The following MTA1 variants were observed in gnomAD, a reference collection of about 807,000 sequenced individuals.
The protein encoded by MTA1 is metastasis-associated protein MTA1.
A neutral mutation model predicts 97.0 loss-of-function variants in MTA1; 15 were observed. The observed-to-expected ratio is 0.15, with a 90% CI of 0.10 to 0.24. MTA1 has a LOEUF of 0.24. Among genes scored for constraint, MTA1 ranks in the 10% least tolerant of loss-of-function variants. The probability of loss-of-function intolerance (pLI) is 1.00; values close to 1 mark genes in which losing one functional copy is unlikely to be tolerated. For synonymous variants in MTA1, 435 were observed against 417.5 expected (o/e 1.04, Z -0.51); for missense variants, 709 against 1,015.1 (o/e 0.70, Z 4.10).
In MTA1 at chr14:105,429,380, G is replaced by T. The variant is rs948507986; in HGVS notation, c.29-9292G>T. Reference sequence around the variant, plus strand: ...GGCTCGCTGCAACCTCCGCCTCCCGGGTTCAAGCGATTCTCCTGCCTCAGC... The same window carrying T: ...GGCTCGCTGCAACCTCCGCCTCCCGTGTTCAAGCGATTCTCCTGCCTCAGC... On this transcript the variant is annotated intron_variant, in intron 1 of 20. Transcript: ENST00000331320. 9.9e-5 allele frequency among the ~76,000 whole-genome samples: 15 copies of T among 152,046 alleles called. 1 individual carries two copies. The highest frequency in any genetic ancestry group is 4.1e-4 in the South Asian group (2 of 4,820).
At chr14:105,466,226 G>A (rs1567046669) in intron 16 of MTA1, 200 bp from the exon 17 acceptor site, 3 of 599,930 alleles carry the variant, frequency 5.0e-6, no homozygotes, top group South Asian at 2.0e-5. Context: ...CCGGGCACAC[G>A]CCTTGCCGAG....
Position 105,442,576 on chromosome 14 carries a change from G to A in MTA1, c.97-2842G>A, listed in dbSNP as rs188506841. Among the ~76,000 whole-genome samples, 289 of 152,378 alleles carry A rather than the reference G, an allele frequency of 1.9e-3. 13 individuals carry two copies. The highest frequency in any genetic ancestry group is 8.8e-4 in the Non-Finnish European group (60 of 68,040). On this transcript the variant is annotated intron_variant, in intron 2 of 20. Coordinates refer to ENST00000331320, the MANE Select transcript of MTA1 (RefSeq NM_004689.4). ...TTAATCTCAGGAAGCAAAGGTGTTCGAAGGAAGAGAAGAAAGAATGGCCTA... is the reference window on the plus strand; with the variant it reads ...TTAATCTCAGGAAGCAAAGGTGTTCAAAGGAAGAGAAGAAAGAATGGCCTA...
chr14:105,469,196 AGGTGACTGTC>A, intron 18 of MTA1: 1 of 618,062 alleles, frequency 1.6e-6, no homozygotes, highest in Non-Finnish European at 3.0e-6. Context: ...CTGTGCAGGG[AGGTGACTGTC>A]GGGTCCAAGG....
At position 105,470,350 on chromosome 14, in the gene MTA1, G is replaced by T; in HGVS notation, c.*135G>T. 1.4e-6 allele frequency: 1 copy of T among 694,322 alleles called. No individual in the cohort carries two copies. Among genetic ancestry groups the T allele is most frequent in the Non-Finnish European group, 2.1e-6 (1 of 465,558 alleles). The allele number at this position is 694,322 out of a possible 1,614,324, so 43.0% of individuals were successfully genotyped here. Reference sequence around the variant, plus strand: ...CACCTGCAGAGAAACGCGCTCCTTGGCGGACACTGGGGGAGGAGAGGAAGA... The same window carrying T: ...CACCTGCAGAGAAACGCGCTCCTTGTCGGACACTGGGGGAGGAGAGGAAGA... On this transcript the variant is annotated 3_prime_UTR_variant, in exon 21 of 21. Coordinates refer to ENST00000331320, the MANE Select transcript of MTA1 (RefSeq NM_004689.4).
At chr14:105,438,901 T>A (rs1445446676) in intron 2 of MTA1, among the ~76,000 whole-genome samples, 162 bp downstream of exon 2, 1 of 152,188 alleles carries the variant, frequency 6.6e-6, no homozygotes, top group Non-Finnish European at 1.5e-5. Context: ...ACCTGCACCG[T>A]GGCTCCTCCT....
intron 1 of MTA1, among the ~76,000 whole-genome samples, chr14:105,423,497 G>A (rs1312136639): frequency 2.0e-5 from 3 of 152,162 alleles, no homozygotes; most frequent in African/African-American, 7.2e-5. Context: ...GATTACAGGC[G>A]TGAGCTCATG....
At chr14:105,427,957 G>T (rs2082060009) in intron 1 of MTA1, among the ~76,000 whole-genome samples, 1 of 145,232 alleles carries the variant, frequency 6.9e-6, no homozygotes, top group Admixed American at 7.2e-5. Context: ...CGCAGAGGTT[G>T]CAGTGAGTGG....
rs1314936303 is a variant in MTA1, at chr14:105,420,623, G to A, written c.28+560G>A. On this transcript the variant is annotated intron_variant, in intron 1 of 20. Transcript: ENST00000331320. The surrounding 1 kb of genome is among the most constrained non-coding windows in gnomAD (Gnocchi z 5.3). The stretch of plus-strand genomic sequence containing the variant: ...GTCTTCAGCAGGGAGCGAGCATCCC[G>A]AGCACGCCTCTAAGTCCCCCCAAAC... 6.6e-6 allele frequency among the ~76,000 whole-genome samples: 1 copy of A among 152,166 alleles called. No individual in the cohort carries two copies. The highest frequency in any genetic ancestry group is 1.5e-5 in the Non-Finnish European group (1 of 68,004).
chr14:105,461,481 AAATT>A (rs1189832988), intron 10 of MTA1, among the ~76,000 whole-genome samples: 4 of 152,054 alleles, frequency 2.6e-5, no homozygotes, highest in Non-Finnish European at 4.4e-5. Context: ...AAATACTTCT[AAATT>A]AATCTGTTAG....
intron 16 of MTA1, 119 bp from the exon 17 acceptor site, chr14:105,466,307 G>A: frequency 4.5e-6 from 4 of 896,598 alleles, no homozygotes; most frequent in Non-Finnish European, 6.9e-6. Context: ...CTCGGGTGGG[G>A]GCCGCATGGG....
At chr14:105,443,987 C>T (rs2082628916) in intron 2 of MTA1, among the ~76,000 whole-genome samples, 1 of 152,048 alleles carries the variant, frequency 6.6e-6, no homozygotes, top group Non-Finnish European at 1.5e-5. Context: ...ACTCAGGAGG[C>T]TGAGGCAGGA....
intron 2 of MTA1, 78 bp downstream of exon 2, chr14:105,438,817 T>G: frequency 6.7e-7 from 1 of 1,484,610 alleles, no homozygotes; most frequent in Non-Finnish European, 9.3e-7. Context: ...GGGTGGCCAG[T>G]GTGGGTGGCC....
chr14:105,460,551 C>G (rs1414403642), intron 9 of MTA1, 94 bp downstream of exon 9: 17 of 1,334,792 alleles, frequency 1.3e-5, no homozygotes, highest in Non-Finnish European at 1.7e-5. Flanking sequence ...AGCACCTGCC[C>G]CAGGTATTCA....
intron 7 of MTA1, among the ~76,000 whole-genome samples, chr14:105,457,079 C>G (rs1555430081): frequency 1.3e-5 from 2 of 152,218 alleles, no homozygotes; most frequent in South Asian, 2.1e-4. Flanking sequence ...GAGGGCAGCC[C>G]CGCACTCCGT....
Position 105,458,627 on chromosome 14 carries a change from G to A in MTA1, c.653+255G>A, listed in dbSNP as rs951115596. Among the ~76,000 whole-genome samples, 11 of 152,108 alleles carry A rather than the reference G, an allele frequency of 7.2e-5. 1 individual carries two copies. The highest frequency in any genetic ancestry group is 2.7e-4 in the African/African-American group (11 of 41,424). On this transcript the variant is annotated intron_variant, in intron 8 of 20. Coordinates refer to ENST00000331320, the MANE Select transcript of MTA1 (RefSeq NM_004689.4). The stretch of plus-strand genomic sequence containing the variant: ...GTGCCTGCCCATGTGTCCCTAATGG[G>A]GCTTTCCCAGGATGGGCCAGAGGTG...
chr14:105,438,860 C>T (rs1478209105), intron 2 of MTA1, 121 bp downstream of exon 2: 2 of 947,216 alleles, frequency 2.1e-6, no homozygotes, highest in Non-Finnish European at 3.3e-6. Context: ...CTGGCCACTG[C>T]ACAGGCCCTT....
At chr14:105,448,265 C>T (rs587594141) in intron 3 of MTA1, among the ~76,000 whole-genome samples, 3 of 152,196 alleles carry the variant, frequency 2.0e-5, no homozygotes, top group Non-Finnish European at 2.9e-5. Flanking sequence ...GTACACTAGC[C>T]AGCCCCACCT....
intron 1 of MTA1, among the ~76,000 whole-genome samples, chr14:105,428,999 C>T (rs587738867): frequency 3.9e-5 from 6 of 152,332 alleles, no homozygotes; most frequent in African/African-American, 1.4e-4. Context: ...GCTGGGATTA[C>T]AGGCATGAGC....
At chr14:105,465,211 C>CCCGCT in intron 16 of MTA1, 28 bp downstream of exon 16, 1 of 1,483,384 alleles carries the variant, frequency 6.7e-7, no homozygotes, top group Non-Finnish European at 9.0e-7. Flanking sequence ...CTGGGGGGCT[C>CCCGCT]CCAATGCTGC....
Sources: allele counts gnomAD v4.1 joint callset (sites outside exome capture counted in the v4.1 genomes callset), GRCh38; gene constraint gnomAD v4.1.1; non-coding constraint Gnocchi (gnomAD v3.1); transcripts MANE v1.5; gene names NCBI Gene and HGNC (gene_info 2026-07-23, HGNC 2026-07-21).